ZNF618: variants seen among roughly 807,000 people sequenced by gnomAD.
ZNF618 encodes neural precursor cell expressed, developmentally down-regulated 10.
A neutral mutation model predicts 103.0 loss-of-function variants in ZNF618; 34 were observed. The observed-to-expected ratio is 0.33, with a 90% CI of 0.25 to 0.44. The LOEUF (loss-of-function observed/expected upper bound fraction) is 0.44. ZNF618 is among the 20% of genes least tolerant of loss of function. The pLI is 1.00. For synonymous variants in ZNF618, 551 were observed against 542.2 expected, an observed-to-expected ratio of 1.02 and a Z score of -0.23; for missense variants, 1,059 against 1,295.4, an observed-to-expected ratio of 0.82 and a Z score of 2.80.
At chr9:113,924,773 C>T (rs1832937727) in intron 1 of ZNF618, among the ~76,000 whole-genome samples, 1 of 151,874 alleles carries the variant, frequency 6.6e-6, no homozygotes, top group African/African-American at 2.4e-5. Context: ...GAGATTTCTG[C>T]ATTGACCTGT....
rs1375055901 is a variant in ZNF618 at position 114,051,733 on chromosome 9, C to G, written c.*1566C>G. ...GTGTTTGGCCATGTTCGACTCGATG[C>G]TGTGAAAGATGTCTTCAGGCTTTTC... On this transcript the variant is annotated 3_prime_UTR_variant, in exon 15 of 15. Transcript: ENST00000374126. 6.6e-6 allele frequency: 1 copy of G among 152,472 alleles called. No homozygotes were observed. Among genetic ancestry groups the G allele is most frequent in the African/African-American group, 2.4e-5 (1 of 41,474 alleles). The allele number at this position is 152,472 out of a possible 1,614,324, so 9.4% of individuals were successfully genotyped here. A position where few individuals can be genotyped will look rare whatever the true frequency, so the allele number is the denominator to read the frequency against.
chr9:113,960,226 C>G lies in ZNF618; in HGVS notation c.34-8891C>G, dbSNP rs531239105. 5.3e-5 allele frequency among the ~76,000 whole-genome samples: 8 copies of G among 152,346 alleles called. No homozygotes were observed. In the South Asian group the frequency reaches 8.3e-4, roughly 16 times the overall value. On this transcript the variant is annotated intron_variant, in intron 1 of 14. Coordinates refer to ENST00000374126, the MANE Select transcript of ZNF618 (RefSeq NM_001318042.2). ...CTCTCCTCCACCACCTTCCCCAAAC[C>G]GCCATCATCTCTTCCCTGGAAGGGG...
rs1279578416 is a variant in ZNF618 at position 114,052,773 on chromosome 9, GA to G, written c.*2610del. 6.6e-6 allele frequency: 1 copy of G among 152,208 alleles called. No individual in the cohort carries two copies. Among genetic ancestry groups the G allele is most frequent in the Non-Finnish European group, 1.5e-5 (1 of 68,040 alleles). 9.4% of individuals were successfully genotyped at this position (152,208 alleles called of 1,614,324 possible). A position where few individuals can be genotyped will look rare whatever the true frequency, so the allele number is the denominator to read the frequency against. ...GCCCCATTATTGGGCCAGTTGATTAGAAAATAGGCATTTCACTTTCTTGGAA... is the reference window on the plus strand; with the variant it reads ...GCCCCATTATTGGGCCAGTTGATTAGAAATAGGCATTTCACTTTCTTGGAA... On this transcript the variant is annotated 3_prime_UTR_variant, in exon 15 of 15. Coordinates refer to ENST00000374126, the MANE Select transcript of ZNF618 (RefSeq NM_001318042.2).
At chr9:114,003,293 G>C (rs1841427811) in intron 6 of ZNF618, among the ~76,000 whole-genome samples, 1 of 152,242 alleles carries the variant, frequency 6.6e-6, no homozygotes, top group African/African-American at 2.4e-5. Flanking sequence ...TAAGTGAGCA[G>C]CCAAGCTGGT....
At chr9:113,881,944 A>C (rs951395490) in intron 1 of ZNF618, among the ~76,000 whole-genome samples, 4 of 152,208 alleles carry the variant, frequency 2.6e-5, no homozygotes, top group Middle Eastern at 3.2e-3. Context: ...GCAGCCTGTG[A>C]GCTGTTGAAG....
chr9:113,975,712 C>T (rs1838406738), intron 2 of ZNF618, among the ~76,000 whole-genome samples: 1 of 152,158 alleles, frequency 6.6e-6, no homozygotes, highest in Non-Finnish European at 1.5e-5. Flanking sequence ...ATACTTCTGG[C>T]CCTGAGTGTT....
intron 1 of ZNF618, among the ~76,000 whole-genome samples, chr9:113,967,120 C>T (rs894601469): frequency 6.6e-6 from 1 of 152,182 alleles, no homozygotes; most frequent in Non-Finnish European, 1.5e-5. Context: ...GTGTGACAAG[C>T]TAAAAATACA....
intron 1 of ZNF618, among the ~76,000 whole-genome samples, chr9:113,928,828 T>C (rs1458095119): frequency 1.3e-5 from 2 of 152,206 alleles, no homozygotes; most frequent in African/African-American, 4.8e-5. Flanking sequence ...ATTATTATTA[T>C]TTTTTAAGTG....
At chr9:113,937,053 C>G (rs1240940920) in intron 1 of ZNF618, among the ~76,000 whole-genome samples, 1 of 152,122 alleles carries the variant, frequency 6.6e-6, no homozygotes, top group East Asian at 1.9e-4. Flanking sequence ...ATTCTCAGAT[C>G]TGTTTTATAA....
chr9:114,037,578 G>A (rs944225614), intron 13 of ZNF618, among the ~76,000 whole-genome samples: 1 of 152,198 alleles, frequency 6.6e-6, no homozygotes, highest in African/African-American at 2.4e-5. Flanking sequence ...GGTGAGACGT[G>A]CCTGACATAA....
At chr9:114,013,459 C>T (rs1588340374) in intron 9 of ZNF618, among the ~76,000 whole-genome samples, 2 of 152,226 alleles carry the variant, frequency 1.3e-5, no homozygotes, top group South Asian at 4.1e-4. Context: ...GAGACAGAGT[C>T]TCACTCTGTC....
At chr9:113,898,023 C>A (rs1219137159) in intron 1 of ZNF618, among the ~76,000 whole-genome samples, 1 of 152,130 alleles carries the variant, frequency 6.6e-6, no homozygotes, top group Non-Finnish European at 1.5e-5. Context: ...GAACTCCTGA[C>A]CTCAGATGAT....
chr9:113,900,498 G>A (rs1830423028), intron 1 of ZNF618, among the ~76,000 whole-genome samples: 1 of 152,192 alleles, frequency 6.6e-6, no homozygotes, highest in South Asian at 2.1e-4. Flanking sequence ...AGAGAGGAAG[G>A]GGAAAAGTGA....
intron 10 of ZNF618, among the ~76,000 whole-genome samples, chr9:114,018,064 T>C (rs1842790444): frequency 6.6e-6 from 1 of 152,208 alleles, no homozygotes; most frequent in African/African-American, 2.4e-5. Context: ...GAAAGCTGTT[T>C]AAGGTCTTTT....
chr9:114,010,038 G>A (rs563157026), intron 9 of ZNF618, among the ~76,000 whole-genome samples: 16 of 152,188 alleles, frequency 1.1e-4, no homozygotes, highest in Non-Finnish European at 1.8e-4. Context: ...GGCCGGGCAC[G>A]GTGGCTCACA....
At chr9:113,940,286 G>T (rs1309381560) in intron 1 of ZNF618, among the ~76,000 whole-genome samples, 1 of 152,028 alleles carries the variant, frequency 6.6e-6, no homozygotes, top group Middle Eastern at 3.4e-3. Flanking sequence ...CCTGTCACAT[G>T]ATCAGTTTGT....
At chr9:113,995,025 A>G (rs1840434594) in intron 3 of ZNF618, among the ~76,000 whole-genome samples, 1 of 152,188 alleles carries the variant, frequency 6.6e-6, no homozygotes, top group Non-Finnish European at 1.5e-5. Flanking sequence ...TTTGATATCC[A>G]CCATCATCAC....
chr9:113,991,251 T>A (rs1359868760), intron 3 of ZNF618, among the ~76,000 whole-genome samples: 1 of 152,216 alleles, frequency 6.6e-6, no homozygotes, highest in Non-Finnish European at 1.5e-5. Flanking sequence ...TTGGCCTCAC[T>A]GTACCTTAGT....
chr9:113,957,996 G>T (rs1836475825), intron 1 of ZNF618, among the ~76,000 whole-genome samples: 1 of 151,998 alleles, frequency 6.6e-6, no homozygotes, highest in African/African-American at 2.4e-5. Flanking sequence ...CCTGGAGAGA[G>T]AATTTTTGTG....
Sources: gnomAD v4.1 joint callset for allele counts (sites outside exome capture counted in the v4.1 genomes callset) on GRCh38, gnomAD v4.1.1 for gene constraint, MANE v1.5 for transcripts, NCBI Gene and HGNC (gene_info 2026-07-23, HGNC 2026-07-21) for gene names.